ALMS1: variants seen among roughly 807,000 people sequenced by gnomAD.
The protein encoded by ALMS1 is centrosome-associated protein ALMS1.
In ALMS1, 271 loss-of-function variants were observed where a neutral mutation model predicts 352.2. The observed-to-expected ratio is 0.77, with a 90% CI of 0.70 to 0.85. The LOEUF (loss-of-function observed/expected upper bound fraction) is 0.85, where lower values mean the gene tolerates loss of function less well. Ranked by LOEUF, ALMS1 falls within the 40% of genes least tolerant of loss-of-function variation. ALMS1 has a pLI of 0.00. For missense variants in ALMS1, 5,445 were observed against 4,870.7 expected (o/e 1.12, Z -3.51); for synonymous variants, 1,865 against 1,761.2 (o/e 1.06, Z -1.48).
intron 9 of ALMS1, among the ~76,000 whole-genome samples, chr2:73,461,042 A>G (rs940680767): frequency 1.3e-5 from 2 of 152,240 alleles, no homozygotes; most frequent in South Asian, 4.1e-4. Flanking sequence ...AGGCAGCAGT[A>G]ACCTCTGTAG....
At chr2:73,487,197 G>T (rs1042644157) in intron 9 of ALMS1, among the ~76,000 whole-genome samples, 2 of 152,236 alleles carry the variant, frequency 1.3e-5, no homozygotes, top group African/African-American at 2.4e-5. Context: ...CTGGCAGGCT[G>T]TGCTTGGCTC....
rs561222817 is a variant in ALMS1, at chr2:73,489,042, A to G, written c.7675-592A>G. On this transcript the variant is annotated intron_variant, in intron 9 of 22. Coordinates refer to ENST00000613296, the MANE Select transcript of ALMS1 (RefSeq NM_001378454.1). Reference sequence around the variant, plus strand: ...CTCTGTTCCTTGATGTCATCCAGGGACCCAAGCTGGCTGGACAACTAAGCT... The same window carrying G: ...CTCTGTTCCTTGATGTCATCCAGGGGCCCAAGCTGGCTGGACAACTAAGCT... Among the ~76,000 whole-genome samples the G allele has an allele frequency of 2.0e-5, 3 of 152,252 alleles. No individual in the cohort carries two copies. The South Asian group carries it at 6.2e-4, about 32-fold the overall frequency.
In ALMS1 at chr2:73,609,873, T is replaced by C. The variant is rs953585430; in HGVS notation, c.*261T>C. 1.1e-5 allele frequency: 5 copies of C among 471,660 alleles called. No individual in the cohort carries two copies. The Admixed American group carries it at 1.7e-4, about 16-fold the overall frequency. The allele number at this position is 471,660 out of a possible 1,614,324, so 29.2% of individuals were successfully genotyped here. On this transcript the variant is annotated 3_prime_UTR_variant, in exon 23 of 23. Transcript: ENST00000613296. ...CATTTCTCAAGAATAAGTCCCTTTTTGTATGTGTTTTTATACTTTTAGAAA... is the reference window on the plus strand; with the variant it reads ...CATTTCTCAAGAATAAGTCCCTTTTCGTATGTGTTTTTATACTTTTAGAAA...
intron 12 of ALMS1, among the ~76,000 whole-genome samples, chr2:73,549,195 A>T (rs1674379624): frequency 6.6e-6 from 1 of 152,170 alleles, no homozygotes; most frequent in African/African-American, 2.4e-5. Context: ...TGCCTGTTAG[A>T]TGTGGCATGG....
At chr2:73,604,523 T>C (rs1298982287) in intron 21 of ALMS1, among the ~76,000 whole-genome samples, 1 of 152,230 alleles carries the variant, frequency 6.6e-6, no homozygotes, top group African/African-American at 2.4e-5. Flanking sequence ...TTAATAAGAA[T>C]AGTTTCTTAG....
intron 1 of ALMS1, among the ~76,000 whole-genome samples, chr2:73,407,890 A>G (rs1471107193): frequency 2.6e-5 from 4 of 151,878 alleles, no homozygotes; most frequent in Non-Finnish European, 4.4e-5. Flanking sequence ...GATCTGAGAT[A>G]CTATTTTAAA....
At chr2:73,412,806 A>C (rs1178052833) in intron 2 of ALMS1, among the ~76,000 whole-genome samples, 1 of 152,046 alleles carries the variant, frequency 6.6e-6, no homozygotes, top group African/African-American at 2.4e-5. Context: ...AAAAACAAAA[A>C]ACAAAAAACA....
chr2:73,444,885 TACAAC>T (rs1460226654), intron 7 of ALMS1, among the ~76,000 whole-genome samples: 1 of 152,104 alleles, frequency 6.6e-6, no homozygotes, highest in African/African-American at 2.4e-5. Flanking sequence ...ATTAACGAAA[TACAAC>T]ACAATTATAA....
chr2:73,386,260 C>T, intron 1 of ALMS1, 68 bp downstream of exon 1: 3 of 1,415,078 alleles, frequency 2.1e-6, no homozygotes, highest in East Asian at 2.8e-5. Flanking sequence ...CCCGAGCGCT[C>T]CGCCCGCCCG....
chr2:73,405,968 C>T (rs945651145), intron 1 of ALMS1, among the ~76,000 whole-genome samples: 4 of 152,154 alleles, frequency 2.6e-5, no homozygotes, highest in Admixed American at 6.5e-5. Flanking sequence ...GAATGTTTCA[C>T]GTGCACTTGA....
At chr2:73,573,952 A>G (rs1674999806) in intron 16 of ALMS1, among the ~76,000 whole-genome samples, 2 of 152,156 alleles carry the variant, frequency 1.3e-5, no homozygotes, top group African/African-American at 2.4e-5. Flanking sequence ...GGAATTGTGA[A>G]TAATGGAAAG....
chr2:73,406,018 G>GT (rs1353396358), intron 1 of ALMS1, among the ~76,000 whole-genome samples: 1 of 152,166 alleles, frequency 6.6e-6, no homozygotes, highest in African/African-American at 2.4e-5. Context: ...GGAGTGTTCT[G>GT]TATATGTATG....
intron 10 of ALMS1, among the ~76,000 whole-genome samples, chr2:73,501,473 C>T (rs1420116090): frequency 6.6e-6 from 1 of 151,986 alleles, no homozygotes; most frequent in Non-Finnish European, 1.5e-5. Flanking sequence ...GATCTGTTTC[C>T]AAATTCTCCT....
intron 9 of ALMS1, chr2:73,462,716 CAT>C (rs1672232628): frequency 1.3e-5 from 2 of 152,310 alleles, no homozygotes; most frequent in African/African-American, 4.8e-5. Context: ...AAACCCATCT[CAT>C]GTGCAGAGAC....
At chr2:73,560,346 A>G (rs923675642) in intron 15 of ALMS1, among the ~76,000 whole-genome samples, 2 of 152,174 alleles carry the variant, frequency 1.3e-5, no homozygotes, top group African/African-American at 4.8e-5. Flanking sequence ...CCACAATGAG[A>G]TATCACTCAC....
intron 10 of ALMS1, among the ~76,000 whole-genome samples, chr2:73,499,763 G>A (rs777624752): frequency 3.1e-4 from 47 of 152,074 alleles, no homozygotes; most frequent in Non-Finnish European, 5.1e-4. Context: ...GGGTTATGGG[G>A]GCAGATCCCT....
chr2:73,606,897 A>G (rs1675828717), intron 21 of ALMS1, among the ~76,000 whole-genome samples: 1 of 152,200 alleles, frequency 6.6e-6, no homozygotes, highest in African/African-American at 2.4e-5. Context: ...AGATTTCAAG[A>G]GGAAAGAACA....
intron 10 of ALMS1, among the ~76,000 whole-genome samples, chr2:73,500,377 G>T (rs1396341958): frequency 6.6e-6 from 1 of 152,084 alleles, no homozygotes; most frequent in Non-Finnish European, 1.5e-5. Flanking sequence ...CCTTTTCTAT[G>T]TACTTTCTGT....
chr2:73,426,440 T>C lies in ALMS1; in HGVS notation c.1238-13T>C, dbSNP rs1255941608. 1.2e-6 allele frequency: 2 copies of C among 1,613,056 alleles called. No individual in the cohort carries two copies. Among genetic ancestry groups the C allele is most frequent in the Non-Finnish European group, 8.5e-7 (1 of 1,179,060 alleles). On this transcript the variant is annotated splice_polypyrimidine_tract_variant and intron_variant, in intron 5 of 22. Transcript: ENST00000613296. ...TATACATACAATTATGCAAAATGAC[T>C]CCTATTTTGTAGAGGGCCTGCAGGG...
Sources: allele counts gnomAD v4.1 joint callset (sites outside exome capture counted in the v4.1 genomes callset), GRCh38; gene constraint gnomAD v4.1.1; transcripts MANE v1.5; gene names NCBI Gene and HGNC (gene_info 2026-07-23, HGNC 2026-07-21).